ANK1: variants seen among roughly 807,000 people sequenced by gnomAD.
ANK1 encodes the protein ankyrin 1.
A neutral mutation model predicts 210.4 loss-of-function variants in ANK1; 51 were observed. The observed-to-expected ratio is 0.24, with a 90% CI of 0.19 to 0.31. The LOEUF (loss-of-function observed/expected upper bound fraction) is 0.31, where lower values mean the gene tolerates loss of function less well. ANK1 is among the 10% of genes least tolerant of loss of function. The pLI is 1.00. For synonymous variants in ANK1, 967 were observed against 1,025.9 expected, an observed-to-expected ratio of 0.94 and a Z score of 1.10; for missense variants, 2,051 against 2,504.4, an observed-to-expected ratio of 0.82 and a Z score of 3.86.
intron 42 of ANK1, among the ~76,000 whole-genome samples, chr8:41,656,566 C>T (rs1425368311): frequency 6.6e-6 from 1 of 152,244 alleles, no homozygotes; most frequent in African/African-American, 2.4e-5. Flanking sequence ...CAGCCTCCAA[C>T]CTGGGGTGAA....
At chr8:41,869,152 C>T (rs892061896) in intron 1 of ANK1, among the ~76,000 whole-genome samples, 2 of 152,178 alleles carry the variant, frequency 1.3e-5, no homozygotes, top group Non-Finnish European at 2.9e-5. Flanking sequence ...TGGGAGGTGT[C>T]AGAAGACGAA....
At chr8:41,831,189 C>T (rs1000420141) in intron 1 of ANK1, among the ~76,000 whole-genome samples, 2 of 152,196 alleles carry the variant, frequency 1.3e-5, no homozygotes, top group African/African-American at 4.8e-5. Context: ...CTCCATTTCC[C>T]CATCTGTAAA....
chr8:41,798,443 G>T (rs1849253528), upstream of ANK1, among the ~76,000 whole-genome samples: 1 of 152,208 alleles, frequency 6.6e-6, no homozygotes, highest in African/African-American at 2.4e-5. Flanking sequence ...GCGCCCAGGC[G>T]GTCCCGCAGC....
chr8:41,719,441 G>A (rs1156857052), intron 10 of ANK1, among the ~76,000 whole-genome samples: 1 of 152,198 alleles, frequency 6.6e-6, no homozygotes, highest in African/African-American at 2.4e-5. Context: ...CTGGTCACCG[G>A]GGCAGGGGTC....
intron 3 of ANK1, among the ~76,000 whole-genome samples, chr8:41,729,901 T>C (rs1441894052): frequency 6.6e-6 from 1 of 152,172 alleles, no homozygotes; most frequent in Non-Finnish European, 1.5e-5. Flanking sequence ...GCGGGCAGCC[T>C]CCACTCCATG....
At chr8:41,664,870 C>T (rs571726085) in intron 39 of ANK1, 19 of 1,613,726 alleles carry the variant, frequency 1.2e-5, no homozygotes, top group East Asian at 8.9e-5. Context: ...CTGAGGCCCT[C>T]GCTCTCCCCC....
intron 1 of ANK1, among the ~76,000 whole-genome samples, chr8:41,765,513 C>T (rs1841579706): frequency 6.6e-6 from 1 of 152,160 alleles, no homozygotes; most frequent in Non-Finnish European, 1.5e-5. Context: ...TCCCAAAATG[C>T]TGGGATTACA....
chr8:41,883,096 A>G (rs1477849596), intron 1 of ANK1, among the ~76,000 whole-genome samples: 1 of 152,182 alleles, frequency 6.6e-6, no homozygotes, highest in Non-Finnish European at 1.5e-5. Context: ...CTTCAAAAAC[A>G]CATATCCAAA....
intron 1 of ANK1, among the ~76,000 whole-genome samples, chr8:41,802,775 T>C (rs1308779901): frequency 2.0e-5 from 3 of 151,492 alleles, no homozygotes; most frequent in Non-Finnish European, 4.4e-5. Context: ...CCAGGTGTGG[T>C]GGCTTGCATC....
chr8:41,866,380 GACAGGGTCCC>G (rs1365564030), intron 1 of ANK1, among the ~76,000 whole-genome samples: 4 of 152,134 alleles, frequency 2.6e-5, no homozygotes, highest in African/African-American at 9.7e-5. Flanking sequence ...TTTTTGTAGA[GACAGGGTCCC>G]ACTGTGTTGC....
In ANK1 at chr8:41,702,111, A is replaced by G. The variant is rs753307795; in HGVS notation, c.2329T>C (p.Leu777=). The G allele has an allele frequency of 2.5e-6, 4 of 1,614,216 alleles. No individual in the cohort carries two copies. The highest frequency in any genetic ancestry group is 3.4e-6 in the Non-Finnish European group (4 of 1,180,044). ...GTTPLAIAKR[L]GYISVTDVLK... ...ACGTCGGTGACAGAAATGTAGCCCA[A>G]GCGCTTGGCTATGGCCAGAGGTGTG... Residue 777 remains leucine, a synonymous_variant, in exon 21 of 43, where the codon TTG becomes CTG. Coordinates refer to ENST00000289734, the MANE Select transcript of ANK1 (RefSeq NM_000037.4).
chr8:41,782,322 G>A (rs552077889), intron 1 of ANK1, among the ~76,000 whole-genome samples: 2 of 152,318 alleles, frequency 1.3e-5, no homozygotes, highest in Admixed American at 6.5e-5. Context: ...CACCGTGTTG[G>A]GGGAGGCTTT....
chr8:41,858,465 GCC>G, intron 1 of ANK1, among the ~76,000 whole-genome samples: 1 of 152,336 alleles, frequency 6.6e-6, no homozygotes, highest in South Asian at 2.1e-4. Flanking sequence ...ACTGGGGGAG[GCC>G]CTGTGGGCTG....
rs553245061 is a variant in ANK1 at position 41,870,030 on chromosome 8, C to G, written c.126+26325G>C. ...ATTCAGCAGGCTGAGAGGGCAGGCT[C>G]TGACATTTTAACCAGTGCCCTAGAG... On this transcript the variant is annotated intron_variant, in intron 1 of 42. Coordinates refer to the ANK1 transcript ENST00000265709. Among the ~76,000 whole-genome samples the G allele has an allele frequency of 2.0e-5, 3 of 152,194 alleles. No individual in the cohort carries two copies. In the East Asian group the frequency reaches 5.8e-4, roughly 29 times the overall value.
chr8:41,664,689 C>T (rs1809771895), intron 39 of ANK1: 1 of 1,090,518 alleles, frequency 9.2e-7, no homozygotes, highest in Admixed American at 2.1e-5. Context: ...CCTCCTGGTC[C>T]TTTTCCTCCG....
intron 1 of ANK1, among the ~76,000 whole-genome samples, chr8:41,822,089 AGAGAGAGAGAGAGAG>A (rs1563844531): frequency 1.1e-4 from 8 of 70,696 alleles, no homozygotes; most frequent in African/African-American, 4.5e-4. Context: ...AGAGAGAGAG[AGAGAGAGAGAGAGAG>A]AGAGAGAGAG....
intron 1 of ANK1, among the ~76,000 whole-genome samples, chr8:41,874,062 G>A (rs1173033934): frequency 4.6e-5 from 7 of 152,136 alleles, no homozygotes; most frequent in Non-Finnish European, 7.3e-5. Flanking sequence ...ACAAACACAC[G>A]GGCTCCTAAG....
upstream of ANK1, among the ~76,000 whole-genome samples, chr8:41,799,454 A>AG (rs1386673770): frequency 6.6e-6 from 1 of 152,206 alleles, no homozygotes. Context: ...GACGAAAGCT[A>AG]GAAGCCGTTT....
chr8:41,732,569 C>T (rs147324860), intron 3 of ANK1, among the ~76,000 whole-genome samples: 3,620 of 152,046 alleles, frequency 0.024, 59 homozygotes, highest in Middle Eastern at 0.044. Context: ...TGTGCCACCA[C>T]GACTGGCTGA....
Sources: allele counts gnomAD v4.1 joint callset (sites outside exome capture counted in the v4.1 genomes callset), GRCh38; gene constraint gnomAD v4.1.1; transcripts MANE v1.5; gene names NCBI Gene and HGNC (gene_info 2026-07-23, HGNC 2026-07-21).